USP50: variants seen among roughly 807,000 people sequenced by gnomAD.
The protein encoded by USP50 is ubiquitin carboxyl-terminal hydrolase 50.
A neutral mutation model predicts 39.2 loss-of-function variants in USP50; 37 were observed. That is an observed-to-expected ratio of 0.94 (90% confidence interval 0.73 to 1.24). USP50 has a LOEUF of 1.24. Ranked by LOEUF, USP50 falls within the 50% of genes most tolerant of loss-of-function variation. USP50 has a pLI of 0.00. For synonymous variants in USP50, 139 were observed against 144.5 expected, an observed-to-expected ratio of 0.96 and a Z score of 0.27; for missense variants, 374 against 398.2, an observed-to-expected ratio of 0.94 and a Z score of 0.52.
At chr15:50,537,388 T>C (rs981092517) in intron 5 of USP50, among the ~76,000 whole-genome samples, 1 of 152,140 alleles carries the variant, frequency 6.6e-6, no homozygotes, top group Non-Finnish European at 1.5e-5. Context: ...AATCTTGTGT[T>C]TGGCAATGAC....
At chr15:50,494,990 G>A (rs909194723) in intron 1 of USP50, among the ~76,000 whole-genome samples, 1 of 148,146 alleles carries the variant, frequency 6.8e-6, no homozygotes, top group Non-Finnish European at 1.5e-5. Context: ...CTGCACTCCA[G>A]CCTGGGCGAC....
chr15:50,521,787 A>G (rs916442788), intron 6 of USP50, among the ~76,000 whole-genome samples: 6 of 152,026 alleles, frequency 3.9e-5, no homozygotes, highest in Admixed American at 3.9e-4. Context: ...ACACAGTGAA[A>G]CCCCCATCTC....
At chr15:50,505,794 A>C (rs11854087) in intron 6 of USP50, 3,911 of 147,900 alleles carry the variant, frequency 0.026, 81 homozygotes, top group East Asian at 0.09. Flanking sequence ...CCTGGTCTCT[A>C]AAAAAAATAA....
downstream of USP50, chr15:50,496,921 C>T: frequency 1.3e-6 from 1 of 787,790 alleles, no homozygotes; most frequent in Non-Finnish European, 1.9e-6. Flanking sequence ...TCATTGTTCA[C>T]TTGTCTATGC....
intron 5 of USP50, among the ~76,000 whole-genome samples, chr15:50,532,833 T>C (rs1218942606): frequency 6.6e-6 from 1 of 152,192 alleles, no homozygotes; most frequent in Non-Finnish European, 1.5e-5. Flanking sequence ...GAGGTATCCT[T>C]GTTAGTACAG....
chr15:50,495,787 C>A, downstream of USP50: 1 of 1,332,788 alleles, frequency 7.5e-7, no homozygotes, highest in Admixed American at 2.2e-5. Context: ...CACTTTTATT[C>A]TTTCAATTTA....
intron 1 of USP50, chr15:50,494,305 T>G (rs1188605280): frequency 3.2e-6 from 5 of 1,578,364 alleles, no homozygotes; most frequent in Non-Finnish European, 3.4e-6. Flanking sequence ...TTTTCTAAGT[T>G]GCAGAGACTC....
At chr15:50,493,116 CA>C (rs2052241618), downstream of USP50, 1 of 652,764 alleles carries the variant, frequency 1.5e-6, no homozygotes, top group South Asian at 1.5e-5. Flanking sequence ...TTTTTTGCTG[CA>C]TCCTCACAGG....
intron 5 of USP50, among the ~76,000 whole-genome samples, chr15:50,535,637 G>A (rs2052973537): frequency 6.6e-6 from 1 of 152,150 alleles, no homozygotes; most frequent in African/African-American, 2.4e-5. Context: ...AAATGGGCTG[G>A]GCACAGTGGC....
intron 6 of USP50, among the ~76,000 whole-genome samples, chr15:50,523,705 C>A (rs2052868196): frequency 6.6e-6 from 1 of 152,100 alleles, no homozygotes; most frequent in African/African-American, 2.4e-5. Context: ...AATGTCCATA[C>A]TACGTAAAAC....
Position 50,544,722 on chromosome 15 carries a change from G to C in USP50, c.113C>G (p.Pro38Arg). Residue 38 changes from proline (P) to arginine (R), a missense_variant, in exon 2 of 7, where the codon CCC becomes CGC. By Grantham distance (103) the Pro-to-Arg change is moderately radical. Coordinates refer to ENST00000532404, the MANE Select transcript of USP50 (RefSeq NM_203494.5). ...LPVKEADGNQ[P>R]HFQGVTGLWN... Reference sequence around the variant, plus strand: ...CAAGCCAGTGACACCCTGAAAATGGGGCTGGTTCCCATCAGCCTCCTTAAC... The same window carrying C: ...CAAGCCAGTGACACCCTGAAAATGGCGCTGGTTCCCATCAGCCTCCTTAAC... 1 of 1,613,918 alleles carries C rather than the reference G, an allele frequency of 6.2e-7. No individual in the cohort carries two copies. The highest frequency in any genetic ancestry group is 8.5e-7 in the Non-Finnish European group (1 of 1,179,884).
rs1256402271 is a variant in USP50, at chr15:50,525,476, G to A, written c.936+4321C>T. Among the ~76,000 whole-genome samples the A allele has an allele frequency of 3.3e-5, 5 of 150,382 alleles. No homozygotes were observed. In the East Asian group the frequency reaches 7.8e-4, roughly 23 times the overall value. On this transcript the variant is annotated intron_variant, in intron 6 of 6. Coordinates refer to ENST00000532404, the MANE Select transcript of USP50 (RefSeq NM_203494.5). The stretch of plus-strand genomic sequence containing the variant: ...ATCATTCCACATTTTGTGTGTGTGT[G>A]TGTGTATATATATGTATATATGTAT...
intron 6 of USP50, among the ~76,000 whole-genome samples, chr15:50,515,570 C>T (rs2052795566): frequency 6.6e-6 from 1 of 151,698 alleles, no homozygotes; most frequent in East Asian, 1.9e-4. Context: ...AAGACTGACC[C>T]CCAAAACAGA....
downstream of USP50, chr15:50,499,126 C>T (rs953632130): frequency 1.3e-6 from 2 of 1,527,364 alleles, no homozygotes; most frequent in African/African-American, 1.4e-5. Context: ...TTTTAAAAGG[C>T]TCAGCAACAC....
chr15:50,540,798 A>G (rs1393445274), intron 4 of USP50, among the ~76,000 whole-genome samples: 2 of 152,164 alleles, frequency 1.3e-5, no homozygotes, highest in South Asian at 2.1e-4. Flanking sequence ...TAATTTTTGT[A>G]TTTTTAGTAG....
chr15:50,519,872 G>A (rs1305851000), intron 6 of USP50, among the ~76,000 whole-genome samples: 1 of 152,166 alleles, frequency 6.6e-6, no homozygotes, highest in Non-Finnish European at 1.5e-5. Context: ...AAACCAGCAT[G>A]CAGATTCCTC....
chr15:50,537,538 T>C (rs1399570391), intron 5 of USP50, among the ~76,000 whole-genome samples: 2 of 149,782 alleles, frequency 1.3e-5, no homozygotes, highest in South Asian at 2.1e-4. Flanking sequence ...AAAAGACACA[T>C]CTGGTAAAGA....
At position 50,541,113 on chromosome 15, in the gene USP50, T is replaced by C. The variant is rs769864811; in HGVS notation, c.596A>G (p.Tyr199Cys). Residue 199 changes from tyrosine (Y) to cysteine (C), a missense_variant, in exon 4 of 7, where the codon TAC becomes TGC. Coordinates refer to ENST00000532404, the MANE Select transcript of USP50 (RefSeq NM_203494.5). ...IVCLKCEKCT[Y>C]KNEVFTVFSL... ...GAAGACAGTGAAGACTTCGTTCTTG[T>C]AGGTGCATTTCTCACACTTTAAACA... 4.8e-5 allele frequency: 77 copies of C among 1,613,806 alleles called. No individual in the cohort carries two copies. The highest frequency in any genetic ancestry group is 8.5e-6 in the Non-Finnish European group (10 of 1,179,882).
chr15:50,546,166 C>CAGTG (rs2053069325), intron 1 of USP50, among the ~76,000 whole-genome samples: 1 of 152,058 alleles, frequency 6.6e-6, no homozygotes, highest in Non-Finnish European at 1.5e-5. Flanking sequence ...CTCCATGAGA[C>CAGTG]AGTGACCTTA....
Sources: allele counts gnomAD v4.1 joint callset (sites outside exome capture counted in the v4.1 genomes callset), GRCh38; gene constraint gnomAD v4.1.1; transcripts MANE v1.5; gene names NCBI Gene and HGNC (gene_info 2026-07-23, HGNC 2026-07-21).